STK3: variants seen among roughly 807,000 people sequenced by gnomAD.
STK3 encodes the protein serine/threonine kinase 3.
Under a neutral mutation model 58.0 loss-of-function variants are expected in STK3, and 41 were observed. That is an observed-to-expected ratio of 0.71 (90% confidence interval 0.55 to 0.92). The LOEUF is 0.92. Among genes scored for constraint, STK3 ranks in the 40% least tolerant of loss-of-function variants. The pLI is 0.00. For missense variants in STK3, 479 were observed against 602.7 expected (o/e 0.79, Z 2.15); for synonymous variants, 170 against 191.0 (o/e 0.89, Z 0.91).
At chr8:98,853,262 G>A (rs994353518) in intron 3 of STK3, among the ~76,000 whole-genome samples, 2 of 151,816 alleles carry the variant, frequency 1.3e-5, no homozygotes, top group African/African-American at 2.4e-5. Flanking sequence ...ACCTAATATT[G>A]TCAGATAGGT....
chr8:98,489,450 T>C (rs1490031879), intron 10 of STK3, among the ~76,000 whole-genome samples: 1 of 152,218 alleles, frequency 6.6e-6, no homozygotes, highest in Non-Finnish European at 1.5e-5. Flanking sequence ...GTTACTATTT[T>C]TGTTGTTGTG....
chr8:98,797,664 A>C (rs1833264380), intron 1 of STK3, among the ~76,000 whole-genome samples: 1 of 152,222 alleles, frequency 6.6e-6, no homozygotes, highest in African/African-American at 2.4e-5. Flanking sequence ...CACTTAGAGA[A>C]CATGAACTTT....
downstream of STK3, chr8:98,878,852 C>T (rs1564078652): frequency 1.3e-5 from 2 of 151,530 alleles, 1 homozygote; most frequent in South Asian, 4.2e-4. Context: ...AGCTACCACT[C>T]CTGGCCAAAA....
At chr8:98,555,640 T>G (rs961755788) in intron 8 of STK3, among the ~76,000 whole-genome samples, 1 of 152,076 alleles carries the variant, frequency 6.6e-6, no homozygotes, top group Non-Finnish European at 1.5e-5. Flanking sequence ...TGCTATAGCA[T>G]GAAAAAAATA....
intron 4 of STK3, among the ~76,000 whole-genome samples, chr8:98,740,026 G>A (rs575389714): frequency 3.9e-5 from 6 of 152,262 alleles, no homozygotes; most frequent in South Asian, 4.2e-4. Context: ...GAAATGAAGC[G>A]AGAAGGGAAG....
intron 3 of STK3, among the ~76,000 whole-genome samples, chr8:98,414,654 C>T (rs996542274): frequency 2.0e-5 from 3 of 152,214 alleles, no homozygotes; most frequent in African/African-American, 7.2e-5. Flanking sequence ...CGCCTGATTC[C>T]TCTTCCTCCT....
intron 6 of STK3, among the ~76,000 whole-genome samples, chr8:98,669,023 C>T (rs943879141): frequency 1.2e-4 from 14 of 115,846 alleles, no homozygotes; most frequent in African/African-American, 5.0e-4. Flanking sequence ...TGGAGTCTTG[C>T]TCTCGCTCTG....
intron 3 of STK3, among the ~76,000 whole-genome samples, chr8:98,762,107 T>A (rs926394642): frequency 2.0e-5 from 3 of 152,156 alleles, no homozygotes; most frequent in African/African-American, 7.2e-5. Context: ...GTGTTAGATA[T>A]CTCTTCCAAC....
At chr8:98,717,180 T>G (rs1288278330) in intron 4 of STK3, among the ~76,000 whole-genome samples, 2 of 151,238 alleles carry the variant, frequency 1.3e-5, no homozygotes, top group Non-Finnish European at 2.9e-5. Flanking sequence ...AAATTGGACT[T>G]CATGAAAATT....
At chr8:98,431,559 A>G in intron 3 of STK3, 1 of 167,220 alleles carries the variant, frequency 6.0e-6, no homozygotes. Flanking sequence ...TCAGTTTGCC[A>G]AGGCTGATGG....
intron 3 of STK3, among the ~76,000 whole-genome samples, chr8:98,406,576 A>T (rs939644416): frequency 6.6e-6 from 1 of 152,166 alleles, no homozygotes; most frequent in Non-Finnish European, 1.5e-5. Flanking sequence ...TAAGTGTATG[A>T]AGGACATAGA....
chr8:98,618,162 C>T (rs1448589058), intron 6 of STK3, among the ~76,000 whole-genome samples: 1 of 151,860 alleles, frequency 6.6e-6, no homozygotes, highest in Non-Finnish European at 1.5e-5. Flanking sequence ...GTTCAATATA[C>T]AGAAATCAAT....
chr8:98,662,453 T>A (rs1356948957), intron 6 of STK3, among the ~76,000 whole-genome samples: 4 of 152,216 alleles, frequency 2.6e-5, no homozygotes, highest in African/African-American at 9.6e-5. Flanking sequence ...ATATGATCTA[T>A]GATCCATATG....
chr8:98,916,904 C>G (rs1303503440), intron 1 of STK3, among the ~76,000 whole-genome samples: 1 of 152,002 alleles, frequency 6.6e-6, no homozygotes, highest in African/African-American at 2.4e-5. Context: ...TTAGTCAGTC[C>G]TTTTTGATGG....
rs984063338 is a variant in STK3, at chr8:98,752,911, T to C, written c.237-3521A>G. Among the ~76,000 whole-genome samples the C allele has an allele frequency of 2.5e-4, 38 of 150,834 alleles. 1 individual carries two copies. The highest frequency in any genetic ancestry group is 1.5e-4 in the Non-Finnish European group (10 of 67,858). On this transcript the variant is annotated intron_variant, in intron 3 of 10. Transcript: ENST00000419617. ...AAATCAAAACCACAATGAGATACCA[T>C]GTTACACCAGTCAGAATGACTATTA...
downstream of STK3, among the ~76,000 whole-genome samples, chr8:98,399,443 G>A (rs1159369668): frequency 1.3e-5 from 2 of 152,220 alleles, no homozygotes; most frequent in Non-Finnish European, 2.9e-5. Context: ...TTTGGCATGA[G>A]TTTCCACGTG....
At chr8:98,549,076 A>G (rs1810955021) in intron 8 of STK3, among the ~76,000 whole-genome samples, 1 of 152,172 alleles carries the variant, frequency 6.6e-6, no homozygotes, top group Non-Finnish European at 1.5e-5. Flanking sequence ...ACACTGACCT[A>G]CAAGTATCTG....
chr8:98,440,516 A>T (rs1156421873), intron 1 of STK3, among the ~76,000 whole-genome samples: 1 of 151,824 alleles, frequency 6.6e-6, no homozygotes, highest in Non-Finnish European at 1.5e-5. Flanking sequence ...TCATTCCCCA[A>T]TCCCCTGTCC....
chr8:98,722,904 GA>G (rs1827538389), intron 4 of STK3: 1 of 508,176 alleles, frequency 2.0e-6, no homozygotes, highest in Non-Finnish European at 3.9e-6. Flanking sequence ...CTCCAAGATG[GA>G]AAAGCGTTAG....
Sources: allele counts gnomAD v4.1 joint callset (sites outside exome capture counted in the v4.1 genomes callset), GRCh38; gene constraint gnomAD v4.1.1; transcripts MANE v1.5; gene names NCBI Gene and HGNC (gene_info 2026-07-23, HGNC 2026-07-21).